The following SNAP29 variants were observed in gnomAD, a reference collection of about 807,000 sequenced individuals.
SNAP29 encodes synaptosomal-associated protein 29.
SNAP29 carries 13 observed loss-of-function variants against 27.9 expected under a neutral mutation model. The observed-to-expected ratio is 0.47, with a 90% CI of 0.30 to 0.74. The LOEUF is 0.74. Ranked by LOEUF, SNAP29 falls within the 30% of genes least tolerant of loss-of-function variation. The pLI is 0.06. For missense variants in SNAP29, 368 were observed against 336.5 expected, an observed-to-expected ratio of 1.09 and a Z score of -0.73; for synonymous variants, 119 against 127.1, an observed-to-expected ratio of 0.94 and a Z score of 0.43.
intron 2 of SNAP29, among the ~76,000 whole-genome samples, chr22:20,879,725 C>A (rs1472576952): frequency 1.3e-5 from 2 of 151,232 alleles, no homozygotes; most frequent in African/African-American, 4.9e-5. Flanking sequence ...GGCCTGTAAT[C>A]CCAGCTACTC....
At position 20,875,849 on chromosome 22, in the gene SNAP29, A is replaced by G. The variant is rs1228348737; in HGVS notation, c.435-5200A>G. Among the ~76,000 whole-genome samples, 3 of 151,654 alleles carry G rather than the reference A, an allele frequency of 2.0e-5. No individual in the cohort carries two copies. The East Asian group carries it at 5.8e-4, about 29-fold the overall frequency. On this transcript the variant is annotated intron_variant, in intron 2 of 4. Transcript: ENST00000215730. ...GATACAGGCCTGTAGTCATATTTAC[A>G]TGGACGACCAAAAAAAAAAATGGGG...
At chr22:20,866,672 C>T (rs546049586) in intron 1 of SNAP29, among the ~76,000 whole-genome samples, 1 of 152,126 alleles carries the variant, frequency 6.6e-6, no homozygotes, top group Non-Finnish European at 1.5e-5. Flanking sequence ...CTGTGGGTAG[C>T]CCCGCTCACT....
chr22:20,878,754 T>G (rs1282532628), intron 2 of SNAP29, among the ~76,000 whole-genome samples: 1 of 151,930 alleles, frequency 6.6e-6, no homozygotes, highest in Non-Finnish European at 1.5e-5. Context: ...AGGCTGCTGT[T>G]GAGATAGAGG....
At position 20,888,066 on chromosome 22, in the gene SNAP29, T is replaced by A. The variant is rs1929062621; in HGVS notation, c.*230T>A. 1.9e-6 allele frequency: 1 copy of A among 536,298 alleles called. No individual in the cohort carries two copies. The highest frequency in any genetic ancestry group is 3.4e-6 in the Non-Finnish European group (1 of 298,356). The allele number at this position is 536,298 out of a possible 1,614,324, so 33.2% of individuals were successfully genotyped here. Reference sequence around the variant, plus strand: ...CCAGCAAAATGCTTATTAGAGTTTTTGTCTGAGCACAGTAGCCTGGCCCTG... The same window carrying A: ...CCAGCAAAATGCTTATTAGAGTTTTAGTCTGAGCACAGTAGCCTGGCCCTG... On this transcript the variant is annotated 3_prime_UTR_variant, in exon 5 of 5. Transcript: ENST00000215730.
rs367880062 is a variant in SNAP29 at position 20,890,320 on chromosome 22, G to C, written c.*2484G>C. On this transcript the variant is annotated 3_prime_UTR_variant, in exon 5 of 5. Coordinates refer to ENST00000215730, the MANE Select transcript of SNAP29 (RefSeq NM_004782.4). ...CACATTTCATGGAGACAAGCAAAAT[G>C]GTGCCAGGGCTGGGCTGACTGTGGG... 33 of 398,614 alleles carry C rather than the reference G, an allele frequency of 8.3e-5. No individual in the cohort carries two copies. The South Asian group carries it at 3.9e-3, about 48-fold the overall frequency. The allele number at this position is 398,614 out of a possible 1,614,324, so 24.7% of individuals were successfully genotyped here. A position where few individuals can be genotyped will look rare whatever the true frequency, so the allele number is the denominator to read the frequency against.
At chr22:20,875,466 C>T (rs1928717544) in intron 2 of SNAP29, among the ~76,000 whole-genome samples, 1 of 152,156 alleles carries the variant, frequency 6.6e-6, no homozygotes, top group Non-Finnish European at 1.5e-5. Context: ...GGCAGACAGT[C>T]CACAGGGATG....
At chr22:20,859,368 G>GT (rs753087269) in intron 1 of SNAP29, 21 bp downstream of exon 1, 1 of 1,501,498 alleles carries the variant, frequency 6.7e-7, no homozygotes, top group Non-Finnish European at 9.3e-7. Context: ...GGCAGGGCTG[G>GT]TGTGGACTCG....
At chr22:20,861,696 C>T (rs560898436) in intron 1 of SNAP29, among the ~76,000 whole-genome samples, 2 of 152,044 alleles carry the variant, frequency 1.3e-5, no homozygotes, top group Admixed American at 6.6e-5. Flanking sequence ...AGTTCAGTGG[C>T]GCGATCTCAG....
chr22:20,869,110 A>G (rs1231198953), intron 1 of SNAP29, among the ~76,000 whole-genome samples: 1 of 152,142 alleles, frequency 6.6e-6, no homozygotes, highest in African/African-American at 2.4e-5. Flanking sequence ...AATACAAAAA[A>G]CTAGCCAGGC....
intron 1 of SNAP29, among the ~76,000 whole-genome samples, chr22:20,860,256 C>T (rs1457885845): frequency 6.6e-6 from 1 of 151,036 alleles, no homozygotes; most frequent in Non-Finnish European, 1.5e-5. Flanking sequence ...ACTCAGGAGG[C>T]TGAGGTAGGA....
intron 2 of SNAP29, among the ~76,000 whole-genome samples, chr22:20,873,580 C>T (rs972138824): frequency 2.6e-5 from 4 of 152,140 alleles, no homozygotes; most frequent in Admixed American, 6.5e-5. Context: ...CATGGTGGCT[C>T]ATGCCTGTAA....
intron 1 of SNAP29, among the ~76,000 whole-genome samples, chr22:20,862,764 A>T (rs1448149037): frequency 6.6e-6 from 1 of 152,170 alleles, no homozygotes; most frequent in East Asian, 1.9e-4. Context: ...TGTCAGTGAG[A>T]CAACATGTTG....
At chr22:20,869,811 C>G (rs1455625843) in intron 1 of SNAP29, among the ~76,000 whole-genome samples, 1 of 151,994 alleles carries the variant, frequency 6.6e-6, no homozygotes, top group African/African-American at 2.4e-5. Flanking sequence ...TGCTCTGTCG[C>G]CCAGGCTGGA....
chr22:20,883,521 A>G lies in SNAP29; in HGVS notation c.571A>G (p.Lys191Glu). Reference protein sequence around the residue: ...GSAMSTDAYPKNPHLRAYHQK... With the variant: ...GSAMSTDAYPENPHLRAYHQK... ...TGCCATGAGTACTGATGCTTACCCA[A>G]AGAACCCACACCTTCGAGCCTATCA... Residue 191 changes from lysine to glutamate, a missense_variant, in exon 4 of 5, where the codon AAG becomes GAG. Physicochemically the swap from Lys to Glu is moderately conservative, Grantham distance 56. Transcript: ENST00000215730. The G allele has an allele frequency of 1.2e-6, 2 of 1,613,758 alleles. No individual in the cohort carries two copies. Among genetic ancestry groups the G allele is most frequent in the South Asian group, 2.2e-5 (2 of 91,062 alleles).
intron 2 of SNAP29, among the ~76,000 whole-genome samples, chr22:20,873,279 A>G (rs1014280170): frequency 3.3e-5 from 5 of 151,864 alleles, no homozygotes; most frequent in Non-Finnish European, 5.9e-5. Flanking sequence ...CCAAAGTGCT[A>G]GGATTACAGG....
chr22:20,872,643 A>G (rs935625825), intron 2 of SNAP29, among the ~76,000 whole-genome samples: 1 of 151,696 alleles, frequency 6.6e-6, no homozygotes, highest in Non-Finnish European at 1.5e-5. Flanking sequence ...TTCGTGATCC[A>G]TCCGCCTCCG....
intron 4 of SNAP29, among the ~76,000 whole-genome samples, chr22:20,885,040 G>T (rs537409520): frequency 6.6e-6 from 1 of 152,220 alleles, no homozygotes; most frequent in South Asian, 2.1e-4. Flanking sequence ...CTCCCAAAGT[G>T]CTGGGATTAT....
chr22:20,864,807 G>A (rs996586743), intron 1 of SNAP29, among the ~76,000 whole-genome samples: 2 of 152,200 alleles, frequency 1.3e-5, no homozygotes, highest in African/African-American at 4.8e-5. Context: ...CCTGGGGAAG[G>A]AAAGGAAGGA....
At chr22:20,871,881 C>CA (rs202046422) in intron 2 of SNAP29, among the ~76,000 whole-genome samples, 231 of 138,726 alleles carry the variant, frequency 1.7e-3, no homozygotes, top group East Asian at 4.0e-3. Context: ...GACTCCGTCT[C>CA]AAAAAAAAAA....
Sources: allele counts gnomAD v4.1 joint callset (sites outside exome capture counted in the v4.1 genomes callset), GRCh38; gene constraint gnomAD v4.1.1; transcripts MANE v1.5; gene names NCBI Gene and HGNC (gene_info 2026-07-23, HGNC 2026-07-21).